The following PLCL2 variants were observed in gnomAD, a reference collection of about 807,000 sequenced individuals.
PLCL2 encodes the protein phospholipase C like 2, also known as inactive phospholipase C-like protein 2.
PLCL2 carries 4 observed loss-of-function variants against 79.6 expected under a neutral mutation model. The observed-to-expected ratio is 0.05, with a 90% CI of 0.02 to 0.11. The LOEUF is 0.11. PLCL2 is among the 10% of genes least tolerant of loss of function. The pLI is 1.00. For synonymous variants in PLCL2, 484 were observed against 457.7 expected, an observed-to-expected ratio of 1.06 and a Z score of -0.73; for missense variants, 895 against 1,291.0, an observed-to-expected ratio of 0.69 and a Z score of 4.70.
At chr3:17,042,720 C>T (rs1203377064) in intron 3 of PLCL2, 154 bp from the exon 4 acceptor site, 2 of 611,812 alleles carry the variant, frequency 3.3e-6, no homozygotes, top group Non-Finnish European at 6.0e-6. Context: ...TTATCATTTT[C>T]ACATGCACAT....
At chr3:17,017,144 C>G (rs570979016) in intron 3 of PLCL2, among the ~76,000 whole-genome samples, 84 of 152,244 alleles carry the variant, frequency 5.5e-4, no homozygotes, top group African/African-American at 1.7e-3. Context: ...CCTGCCTCTT[C>G]CTCTTGGATT....
intron 1 of PLCL2, among the ~76,000 whole-genome samples, chr3:16,965,355 G>A (rs976677489): frequency 6.6e-6 from 1 of 151,872 alleles, no homozygotes; most frequent in African/African-American, 2.4e-5. Context: ...ATTTCTGAGG[G>A]CTCTGTTCTG....
chr3:17,089,860 G>A lies in PLCL2; in HGVS notation c.3332G>A (p.Arg1111His), dbSNP rs141417927. ...GAAAATGCTGATGTCCAGAAGCCAC[G>A]CCGGAGCTTGGAAGTCATACCCGAA... ...GTENADVQKP[R>H]RSLEVIPEKA... Residue 1111 changes from arginine (R) to histidine (H), a missense_variant, in exon 6 of 6, where the codon CGC (arginine) becomes CAC (histidine). Physicochemically the swap from Arg to His is conservative, Grantham distance 29. This residue lies in a region of PLCL2 where 298 missense variants were observed against 459.6 expected (regional missense o/e 0.65). Coordinates refer to ENST00000615277, the MANE Select transcript of PLCL2 (RefSeq NM_001144382.2). 19 of 1,613,838 alleles carry A rather than the reference G, an allele frequency of 1.2e-5. No homozygotes were observed. The highest frequency in any genetic ancestry group is 9.3e-5 in the African/African-American group (7 of 74,896).
intron 5 of PLCL2, among the ~76,000 whole-genome samples, chr3:17,077,144 A>G (rs2124950712): frequency 6.6e-6 from 1 of 152,214 alleles, no homozygotes. Flanking sequence ...GCATCTGGAA[A>G]CTGCAAGCAG....
At chr3:16,890,130 G>A (rs189934865) in intron 1 of PLCL2, among the ~76,000 whole-genome samples, 3 of 152,288 alleles carry the variant, frequency 2.0e-5, no homozygotes, top group East Asian at 3.9e-4. Flanking sequence ...TGCTCAAAGA[G>A]CTTTTGTCAC....
At chr3:16,904,306 C>CAAAAAAAAAAAAAAA (rs547582289) in intron 1 of PLCL2, among the ~76,000 whole-genome samples, 2 of 116,124 alleles carry the variant, frequency 1.7e-5, no homozygotes, top group Non-Finnish European at 3.6e-5. Flanking sequence ...GAGATCTTGA[C>CAAAAAAAAAAAAAAA]AAAAAAAAAA....
intron 3 of PLCL2, among the ~76,000 whole-genome samples, chr3:17,019,934 T>C (rs2064429822): frequency 6.6e-6 from 1 of 152,128 alleles, no homozygotes. Context: ...GTTTAAGAGA[T>C]TCTAGGGAAT....
At chr3:17,016,141 C>G (rs1329172320) in intron 3 of PLCL2, among the ~76,000 whole-genome samples, 1 of 152,134 alleles carries the variant, frequency 6.6e-6, no homozygotes, top group Non-Finnish European at 1.5e-5. Context: ...AGAGTATTTC[C>G]AGTTTCACAA....
At chr3:16,899,396 A>G (rs1696566102) in intron 1 of PLCL2, among the ~76,000 whole-genome samples, 1 of 152,212 alleles carries the variant, frequency 6.6e-6, no homozygotes, top group Non-Finnish European at 1.5e-5. Context: ...CAGCAACAAC[A>G]GAGTATCAAG....
chr3:16,981,818 C>T (rs1410926247), intron 1 of PLCL2, among the ~76,000 whole-genome samples: 1 of 152,070 alleles, frequency 6.6e-6, no homozygotes, highest in Non-Finnish European at 1.5e-5. Flanking sequence ...GATGTGTAAC[C>T]CTGTGTATTG....
chr3:17,077,997 C>T (rs1048681940), intron 5 of PLCL2, among the ~76,000 whole-genome samples: 3 of 152,184 alleles, frequency 2.0e-5, no homozygotes, highest in Non-Finnish European at 4.4e-5. Flanking sequence ...ATAACTTGTT[C>T]TGGCCTTGGT....
At chr3:16,925,357 C>T (rs1158204840) in intron 1 of PLCL2, among the ~76,000 whole-genome samples, 1 of 151,908 alleles carries the variant, frequency 6.6e-6, no homozygotes, top group Non-Finnish European at 1.5e-5. Context: ...AGCTCTATTG[C>T]TCATTTTCTT....
In PLCL2 at chr3:17,010,086, G is replaced by A; in HGVS notation, c.740G>A (p.Arg247Gln). ...DVANIWVTGLRYLISYGKHTL... is the reference protein window; with the variant it reads ...DVANIWVTGLQYLISYGKHTL... ...GCAAACATCTGGGTTACAGGACTGC[G>A]GTACCTAATTTCTTATGGAAAACAT... Residue 247 changes from arginine to glutamine, a missense_variant, in exon 2 of 6, where the codon CGG becomes CAG. By Grantham distance (43) the Arg-to-Gln change is conservative (BLOSUM62 1). Coordinates refer to ENST00000615277, the MANE Select transcript of PLCL2 (RefSeq NM_001144382.2). The surrounding 1 kb of genome is among the most constrained non-coding windows in gnomAD (Gnocchi z 5.8). 4 of 1,613,900 alleles carry A rather than the reference G, an allele frequency of 2.5e-6. No homozygotes were observed. Among genetic ancestry groups the A allele is most frequent in the Non-Finnish European group, 3.4e-6 (4 of 1,179,838 alleles).
At chr3:17,040,001 C>T (rs539916271) in intron 3 of PLCL2, among the ~76,000 whole-genome samples, 1 of 152,322 alleles carries the variant, frequency 6.6e-6, no homozygotes, top group East Asian at 1.9e-4. Context: ...GCTGTAGCTT[C>T]AGAATATTGA....
intron 1 of PLCL2, among the ~76,000 whole-genome samples, chr3:16,913,507 G>A (rs529269617): frequency 3.3e-5 from 5 of 151,738 alleles, no homozygotes; most frequent in East Asian, 1.9e-4. Flanking sequence ...GTAAGCAAAC[G>A]AATTAATATT....
chr3:16,902,826 CAAA>C (rs777160871), intron 1 of PLCL2, among the ~76,000 whole-genome samples: 112 of 73,678 alleles, frequency 1.5e-3, no homozygotes, highest in African/African-American at 3.8e-3. Flanking sequence ...CACTCCATCT[CAAA>C]AAAAAAAAAA....
At chr3:17,035,815 G>T (rs750788085) in intron 3 of PLCL2, 2 of 509,726 alleles carry the variant, frequency 3.9e-6, no homozygotes, top group Admixed American at 1.9e-5. Context: ...TATTTTACAT[G>T]ATTTCAAGTC....
At chr3:16,912,292 T>C (rs1696900203) in intron 1 of PLCL2, among the ~76,000 whole-genome samples, 1 of 152,180 alleles carries the variant, frequency 6.6e-6, no homozygotes, top group Admixed American at 6.5e-5. Flanking sequence ...TTGTGATTGG[T>C]CTTTAACCTT....
At chr3:17,035,544 A>G (rs1452859911) in intron 3 of PLCL2, among the ~76,000 whole-genome samples, 2 of 152,024 alleles carry the variant, frequency 1.3e-5, no homozygotes, top group Non-Finnish European at 2.9e-5. Flanking sequence ...CATGTCTCTC[A>G]TATAGCAGTG....
Sources: gnomAD v4.1 joint callset for allele counts (sites outside exome capture counted in the v4.1 genomes callset) on GRCh38, gnomAD v4.1.1 for gene constraint, gnomAD v4.1.1 regional missense constraint, Gnocchi (gnomAD v3.1) non-coding constraint, MANE v1.5 for transcripts, NCBI Gene and HGNC (gene_info 2026-07-23, HGNC 2026-07-21) for gene names.